The following DCLK1 variants were observed in gnomAD, a reference collection of about 807,000 sequenced individuals.
The protein encoded by DCLK1 is doublecortin like kinase 1, also known as serine/threonine-protein kinase DCLK1.
In DCLK1, 16 loss-of-function variants were observed where a neutral mutation model predicts 86.2. The observed-to-expected ratio is 0.19, with a 90% CI of 0.13 to 0.28. The LOEUF is 0.28. DCLK1 is among the 10% of genes least tolerant of loss of function. The pLI is 1.00. For synonymous variants in DCLK1, 369 were observed against 370.5 expected, an observed-to-expected ratio of 1.00 and a Z score of 0.05; for missense variants, 590 against 940.2, an observed-to-expected ratio of 0.63 and a Z score of 4.87.
chr13:35,852,541 T>G (rs559380059), intron 6 of DCLK1, among the ~76,000 whole-genome samples: 16 of 152,288 alleles, frequency 1.1e-4, no homozygotes, highest in Non-Finnish European at 1.6e-4. Context: ...TTCTCTCAAG[T>G]ATGGTGTTTG....
Position 35,774,293 on chromosome 13 carries a change from T to A in DCLK1, c.*242A>T, listed in dbSNP as rs915806058. ...ATTGCTTCTAAGTTTAAAAAAAAAT[T>A]GCAAATTGGCCTTAACCCTTTGAGG... On this transcript the variant is annotated 3_prime_UTR_variant, in exon 17 of 17. Coordinates refer to ENST00000360631, the MANE Select transcript of DCLK1 (RefSeq NM_001330071.2). 6.6e-6 allele frequency: 3 copies of A among 452,164 alleles called. No individual in the cohort carries two copies. The highest frequency in any genetic ancestry group is 1.9e-5 in the African/African-American group (1 of 51,790). The allele number at this position is 452,164 out of a possible 1,614,324, so 28.0% of individuals were successfully genotyped here.
chr13:35,936,962 C>CTTTTTTTTTTTTTTT lies in DCLK1; in HGVS notation c.823+10381_823+10395dup, dbSNP rs140269668. ...TTAAAACATCCAAAAGAAAAGTTAG[C>CTTTTTTTTTTTTTTT]TTTTTTTTTTTTTTTTTTTTTTTTT... On this transcript the variant is annotated intron_variant, in intron 4 of 16. Coordinates refer to ENST00000360631, the MANE Select transcript of DCLK1 (RefSeq NM_001330071.2). 6.5e-4 allele frequency among the ~76,000 whole-genome samples: 43 copies of CTTTTTTTTTTTTTTT among 65,726 alleles called. 1 individual carries two copies. The highest frequency in any genetic ancestry group is 2.0e-3 in the African/African-American group (37 of 18,884). The allele number at this position is 65,726 out of a possible 152,430, so 43.1% of individuals were successfully genotyped here.
intron 3 of DCLK1, among the ~76,000 whole-genome samples, chr13:36,060,196 T>C (rs183825141): frequency 6.6e-6 from 1 of 152,272 alleles, no homozygotes; most frequent in African/African-American, 2.4e-5. Flanking sequence ...AAGTAGAATA[T>C]CAATATTCAA....
At chr13:35,975,679 G>T (rs536016183) in intron 3 of DCLK1, among the ~76,000 whole-genome samples, 2 of 152,274 alleles carry the variant, frequency 1.3e-5, no homozygotes, top group African/African-American at 4.8e-5. Flanking sequence ...GAAATCTTGG[G>T]TTGGGGCATC....
intron 3 of DCLK1, among the ~76,000 whole-genome samples, chr13:36,054,263 C>A (rs1254501359): frequency 1.3e-5 from 2 of 152,102 alleles, no homozygotes; most frequent in Non-Finnish European, 2.9e-5. Context: ...CAGGAATCCC[C>A]GAGGCTACTC....
intron 4 of DCLK1, among the ~76,000 whole-genome samples, chr13:35,912,820 T>A (rs919988879): frequency 6.6e-6 from 1 of 152,104 alleles, no homozygotes; most frequent in African/African-American, 2.4e-5. Context: ...ACTGAGCTGA[T>A]AACACACCAC....
chr13:35,883,336 T>C (rs957952435), intron 4 of DCLK1, among the ~76,000 whole-genome samples: 18 of 152,162 alleles, frequency 1.2e-4, no homozygotes, highest in Admixed American at 2.6e-4. Context: ...GTTCTCGCTC[T>C]GTTAGTTCCA....
intron 4 of DCLK1, among the ~76,000 whole-genome samples, chr13:35,891,039 T>C (rs1479769431): frequency 6.6e-6 from 1 of 152,148 alleles, no homozygotes; most frequent in Non-Finnish European, 1.5e-5. Flanking sequence ...TATATTCTGA[T>C]TGGCCAATCT....
intron 3 of DCLK1, among the ~76,000 whole-genome samples, chr13:36,018,282 T>A (rs1881620924): frequency 6.6e-6 from 1 of 152,216 alleles, no homozygotes; most frequent in South Asian, 2.1e-4. Flanking sequence ...ATAACCTTTC[T>A]ATTGATTCAT....
At chr13:35,913,469 A>G (rs1875172625) in intron 4 of DCLK1, among the ~76,000 whole-genome samples, 1 of 152,182 alleles carries the variant, frequency 6.6e-6, no homozygotes, top group Admixed American at 6.5e-5. Context: ...TGGCACTTCC[A>G]TTATGCCTTT....
At chr13:36,129,238 A>C (rs1275124540) in intron 1 of DCLK1, among the ~76,000 whole-genome samples, 2 of 152,262 alleles carry the variant, frequency 1.3e-5, no homozygotes, top group Non-Finnish European at 1.5e-5. Flanking sequence ...TAATTTGGCA[A>C]TAGTTAGAAT....
intron 4 of DCLK1, among the ~76,000 whole-genome samples, chr13:35,896,184 A>G (rs1272718918): frequency 6.6e-6 from 1 of 152,196 alleles, no homozygotes; most frequent in African/African-American, 2.4e-5. Flanking sequence ...ATTTTCAGAG[A>G]GACTTTGCTT....
At chr13:36,007,651 T>C (rs1881041181) in intron 3 of DCLK1, among the ~76,000 whole-genome samples, 1 of 152,186 alleles carries the variant, frequency 6.6e-6, no homozygotes, top group Non-Finnish European at 1.5e-5. Flanking sequence ...TTCCCTAAAA[T>C]AATATTTCCT....
intron 8 of DCLK1, among the ~76,000 whole-genome samples, chr13:35,831,079 G>A (rs376202398): frequency 6.6e-5 from 10 of 152,156 alleles, no homozygotes; most frequent in African/African-American, 2.4e-4. Flanking sequence ...ACAGCTGAGG[G>A]GAAGAGGGCA....
At chr13:35,799,450 C>T (rs763460071) in intron 15 of DCLK1, among the ~76,000 whole-genome samples, 3 of 152,158 alleles carry the variant, frequency 2.0e-5, no homozygotes, top group Middle Eastern at 3.2e-3. Context: ...AAGGTTTCTC[C>T]ATGTTGGCCA....
In DCLK1 at chr13:36,006,628, G is replaced by A. The variant is rs2153146879; in HGVS notation, c.724-59171C>T. ...GAGGGGGCGCAGCCCTGAAAGGAGA[G>A]GCCACGGGGGAGAAAAAATTACTTC... On this transcript the variant is annotated intron_variant, in intron 3 of 16. Coordinates refer to ENST00000360631, the MANE Select transcript of DCLK1 (RefSeq NM_001330071.2). Among the ~76,000 whole-genome samples the A allele has an allele frequency of 1.3e-5, 2 of 152,334 alleles. 1 individual carries two copies. Among genetic ancestry groups the A allele is most frequent in the South Asian group, 4.1e-4 (2 of 4,828 alleles).
intron 3 of DCLK1, among the ~76,000 whole-genome samples, chr13:36,005,877 A>G (rs1331625513): frequency 6.6e-6 from 1 of 152,230 alleles, no homozygotes; most frequent in Non-Finnish European, 1.5e-5. Context: ...GACATGGATG[A>G]AGCTGGAAAC....
intron 16 of DCLK1, among the ~76,000 whole-genome samples, chr13:35,791,431 T>C (rs1174411481): frequency 1.3e-5 from 2 of 152,090 alleles, no homozygotes; most frequent in Non-Finnish European, 2.9e-5. Flanking sequence ...GAAACTTGCA[T>C]TCAAAATTGC....
intron 4 of DCLK1, among the ~76,000 whole-genome samples, chr13:35,922,243 G>A (rs1875843045): frequency 6.6e-6 from 1 of 152,096 alleles, no homozygotes; most frequent in African/African-American, 2.4e-5. Flanking sequence ...TAATTTCACA[G>A]CTTTGCACAC....
Sources: gnomAD v4.1 joint callset for allele counts (sites outside exome capture counted in the v4.1 genomes callset) on GRCh38, gnomAD v4.1.1 for gene constraint, MANE v1.5 for transcripts, NCBI Gene and HGNC (gene_info 2026-07-23, HGNC 2026-07-21) for gene names.